Variants in TNFRSF10D observed in about 807,000 individuals in gnomAD.
TNFRSF10D encodes the protein tumor necrosis factor receptor superfamily member 10D.
A neutral mutation model predicts 42.1 loss-of-function variants in TNFRSF10D; 28 were observed. That is an observed-to-expected ratio of 0.66 (90% CI 0.49 to 0.91). The LOEUF (loss-of-function observed/expected upper bound fraction) is 0.91. Ranked by LOEUF, TNFRSF10D falls within the 40% of genes least tolerant of loss-of-function variation. TNFRSF10D has a pLI of 0.00. For synonymous variants in TNFRSF10D, 186 were observed against 189.4 expected (o/e 0.98, Z 0.15); for missense variants, 503 against 486.1 (o/e 1.03, Z -0.33).
In TNFRSF10D at chr8:23,137,698, A is replaced by G; in HGVS notation, c.*172T>C. Reference sequence around the variant, plus strand: ...GCTTATCACACGCAGTATTTCATAAAAATTACTCCAAGTGCGTTAACAAAG... The same window carrying G: ...GCTTATCACACGCAGTATTTCATAAGAATTACTCCAAGTGCGTTAACAAAG... On this transcript the variant is annotated 3_prime_UTR_variant, in exon 9 of 9. Transcript: ENST00000312584. 1.3e-6 allele frequency: 1 copy of G among 752,506 alleles called. No homozygotes were observed. The highest frequency in any genetic ancestry group is 2.0e-6 in the Non-Finnish European group (1 of 490,312). 46.6% of individuals were successfully genotyped at this position (752,506 alleles called of 1,614,324 possible).
intron 3 of TNFRSF10D, 69 bp from the exon 4 acceptor site, chr8:23,147,141 C>G (rs1321125915): frequency 7.8e-7 from 1 of 1,278,490 alleles, no homozygotes; most frequent in Non-Finnish European, 1.1e-6. Context: ...CCTCACCACC[C>G]CATCCCCTCC....
chr8:23,138,354 CT>C, intron 7 of TNFRSF10D, 94 bp from the exon 8 acceptor site: 1 of 1,376,840 alleles, frequency 7.3e-7, no homozygotes, highest in Admixed American at 1.8e-5. Context: ...ACCTGCAGCG[CT>C]TTCCCTCTTG....
intron 7 of TNFRSF10D, among the ~76,000 whole-genome samples, chr8:23,144,190 C>A (rs1363682929): frequency 1.3e-5 from 2 of 152,210 alleles, no homozygotes; most frequent in East Asian, 3.8e-4. Context: ...CTCAGTGAAC[C>A]CTGTGACACC....
intron 7 of TNFRSF10D, among the ~76,000 whole-genome samples, chr8:23,143,932 C>T (rs892643270): frequency 6.6e-6 from 1 of 152,128 alleles, no homozygotes; most frequent in African/African-American, 2.4e-5. Flanking sequence ...ACTAGTGAAT[C>T]GATGTGAATA....
At chr8:23,155,652 G>A (rs959330590) in intron 1 of TNFRSF10D, among the ~76,000 whole-genome samples, 18 of 151,536 alleles carry the variant, frequency 1.2e-4, no homozygotes, top group African/African-American at 4.1e-4. Context: ...CCAGGAGGCG[G>A]AGCTTGCACT....
intron 1 of TNFRSF10D, among the ~76,000 whole-genome samples, chr8:23,161,512 A>G (rs72609907): frequency 0.17 from 25,898 of 150,966 alleles, 2,900 homozygotes; most frequent in East Asian, 0.58. Flanking sequence ...CAGGCGTGGC[A>G]GGTGGCAGGG....
At chr8:23,155,638 G>A (rs1308226627) in intron 1 of TNFRSF10D, among the ~76,000 whole-genome samples, 2 of 151,508 alleles carry the variant, frequency 1.3e-5, no homozygotes, top group Non-Finnish European at 2.9e-5. Context: ...AGAACGGCGT[G>A]AACCCAGGAG....
chr8:23,157,002 TTC>T (rs1800290101), intron 1 of TNFRSF10D, among the ~76,000 whole-genome samples: 2 of 152,154 alleles, frequency 1.3e-5, no homozygotes, highest in African/African-American at 4.8e-5. Context: ...TCACATATTT[TTC>T]TTTTTTTGAC....
intron 7 of TNFRSF10D, among the ~76,000 whole-genome samples, chr8:23,140,977 C>G (rs114203926): frequency 6.2e-3 from 938 of 152,210 alleles, no homozygotes; most frequent in African/African-American, 0.019. Flanking sequence ...ATATGCAGAA[C>G]AACGAAAACT....
chr8:23,160,052 C>T (rs894734331), intron 1 of TNFRSF10D, among the ~76,000 whole-genome samples: 9 of 152,140 alleles, frequency 5.9e-5, no homozygotes, highest in South Asian at 2.1e-4. Flanking sequence ...TGCACCAACA[C>T]GGCCTCTCTG....
chr8:23,152,470 T>C lies in TNFRSF10D; in HGVS notation c.256+2404A>G, dbSNP rs1171930126. Among the ~76,000 whole-genome samples the C allele has an allele frequency of 2.4e-4, 37 of 152,204 alleles. 1 individual carries two copies. The highest frequency in any genetic ancestry group is 2.4e-3 in the Admixed American group (37 of 15,286). On this transcript the variant is annotated intron_variant, in intron 2 of 8. Transcript: ENST00000312584. ...CTCTGCTGTGAACCATTAGGTTTTATTGTAGTCAGCTCCTGTGGGATGTGT... is the reference window on the plus strand; with the variant it reads ...CTCTGCTGTGAACCATTAGGTTTTACTGTAGTCAGCTCCTGTGGGATGTGT...
intron 5 of TNFRSF10D, 102 bp downstream of exon 5, chr8:23,145,565 CG>C (rs1800106661): frequency 6.4e-7 from 1 of 1,552,142 alleles, no homozygotes; most frequent in Admixed American, 1.8e-5. Flanking sequence ...AGGCTGGAGA[CG>C]CTTGGACCAG....
At chr8:23,138,028 G>A in intron 8 of TNFRSF10D, 25 bp from the exon 9 acceptor site, 3 of 1,613,392 alleles carry the variant, frequency 1.9e-6, no homozygotes, top group Non-Finnish European at 2.5e-6. Flanking sequence ...GAGATTTAGG[G>A]TCTCAATGCT....
chr8:23,158,070 G>A (rs186547698), intron 1 of TNFRSF10D, among the ~76,000 whole-genome samples: 977 of 152,212 alleles, frequency 6.4e-3, no homozygotes, highest in African/African-American at 0.019. Context: ...CAGGCAGTCC[G>A]GCTGTGCACT....
At chr8:23,148,117 G>A (rs550910531) in intron 3 of TNFRSF10D, among the ~76,000 whole-genome samples, 131 of 148,472 alleles carry the variant, frequency 8.8e-4, no homozygotes, top group African/African-American at 3.2e-3. Context: ...GTGCATGCCT[G>A]TGATCCCAGC....
rs772093641 is a variant in TNFRSF10D, at chr8:23,154,880, G to A, written c.250C>T (p.Pro84Ser). 2 of 1,613,162 alleles carry A rather than the reference G, an allele frequency of 1.2e-6. No homozygotes were observed. Among genetic ancestry groups the A allele is most frequent in the Non-Finnish European group, 1.7e-6 (2 of 1,179,628 alleles). ...QRRSLKEEEC[P>S]AGSHRSEYTG... ...TTTAAAAATAAGAGTGCACCTGCTG[G>A]ACACTCCTCCTCCTTGAGGCTGCGC... The change falls in exon 2 of 9, where the codon CCA (proline) becomes TCA (serine). Residue 84 changes from proline to serine, a missense_variant. Coordinates refer to ENST00000312584, the MANE Select transcript of TNFRSF10D (RefSeq NM_003840.5).
At chr8:23,145,137 C>T (rs1800096820) in intron 5 of TNFRSF10D, 48 bp from the exon 6 acceptor site, 2 of 1,612,116 alleles carry the variant, frequency 1.2e-6, no homozygotes, top group African/African-American at 1.3e-5. Flanking sequence ...GCCCATGCAG[C>T]ACCTCCCTCC....
intron 7 of TNFRSF10D, among the ~76,000 whole-genome samples, chr8:23,141,524 A>G (rs1800017821): frequency 6.6e-6 from 1 of 151,398 alleles, no homozygotes; most frequent in South Asian, 2.1e-4. Context: ...AAAAAGTATC[A>G]ACAGAGTAAC....
chr8:23,147,778 A>G (rs1030615276), intron 3 of TNFRSF10D, among the ~76,000 whole-genome samples: 2 of 151,764 alleles, frequency 1.3e-5, no homozygotes, highest in African/African-American at 4.8e-5. Flanking sequence ...AACACAAAAA[A>G]CTGGCTGGGC....
Sources: allele counts gnomAD v4.1 joint callset (sites outside exome capture counted in the v4.1 genomes callset), GRCh38; gene constraint gnomAD v4.1.1; transcripts MANE v1.5; gene names NCBI Gene and HGNC (gene_info 2026-07-23, HGNC 2026-07-21).